CADM2: variants seen among roughly 807,000 people sequenced by gnomAD.
The protein encoded by CADM2 is immunoglobulin superfamily member 4D.
A neutral mutation model predicts 49.8 loss-of-function variants in CADM2; 12 were observed. That is an observed-to-expected ratio of 0.24 (90% CI 0.15 to 0.39). CADM2 has a LOEUF of 0.39. Among genes scored for constraint, CADM2 ranks in the 10% least tolerant of loss-of-function variants. The pLI, the probability that CADM2 is intolerant of heterozygous loss-of-function variation, is 1.00. For synonymous variants in CADM2, 214 were observed against 175.4 expected (o/e 1.22, Z -1.74); for missense variants, 378 against 492.3 (o/e 0.77, Z 2.20).
intron 1 of CADM2, among the ~76,000 whole-genome samples, chr3:85,135,130 A>G (rs1250146131): frequency 1.3e-5 from 2 of 152,060 alleles, no homozygotes; most frequent in Admixed American, 6.5e-5. Flanking sequence ...ATCAGAGATT[A>G]TAATATATTA....
At chr3:85,511,363 G>C (rs1443878385) in intron 1 of CADM2, among the ~76,000 whole-genome samples, 2 of 152,082 alleles carry the variant, frequency 1.3e-5, no homozygotes, top group Non-Finnish European at 2.9e-5. Flanking sequence ...TTTGCAAACA[G>C]TGTAATTCTT....
At chr3:85,339,015 A>C (rs1365640209) in intron 1 of CADM2, among the ~76,000 whole-genome samples, 1 of 151,504 alleles carries the variant, frequency 6.6e-6, no homozygotes, top group Admixed American at 6.6e-5. Context: ...AGATAATTTA[A>C]AATTATTTTG....
chr3:85,135,396 G>A (rs1021900684), intron 1 of CADM2, among the ~76,000 whole-genome samples: 2 of 151,780 alleles, frequency 1.3e-5, no homozygotes, highest in Admixed American at 1.3e-4. Flanking sequence ...GGGGTACTTC[G>A]GTTTGCTTTT....
chr3:85,447,649 A>C (rs1459149344), intron 1 of CADM2, among the ~76,000 whole-genome samples: 1 of 152,178 alleles, frequency 6.6e-6, no homozygotes, highest in Non-Finnish European at 1.5e-5. Flanking sequence ...ATGCTGACGA[A>C]ATTTTTATTA....
chr3:85,952,491 G>A (rs538583775), intron 7 of CADM2, among the ~76,000 whole-genome samples: 12 of 150,776 alleles, frequency 8.0e-5, no homozygotes, highest in Non-Finnish European at 1.6e-4. Flanking sequence ...GTATTTCTTG[G>A]TTTTCTTGTA....
intron 1 of CADM2, among the ~76,000 whole-genome samples, chr3:85,657,783 C>CACAGATATATATATAT (rs2065259463): frequency 1.0e-5 from 1 of 99,278 alleles, no homozygotes; most frequent in South Asian, 3.2e-4. Flanking sequence ...TATACATATA[C>CACAGATATATATATAT]ATGTTTTGAG....
At chr3:85,419,260 C>T (rs2036054404) in intron 1 of CADM2, among the ~76,000 whole-genome samples, 1 of 151,452 alleles carries the variant, frequency 6.6e-6, no homozygotes, top group Non-Finnish European at 1.5e-5. Flanking sequence ...TCAAGACCAT[C>T]CTGGCTAACA....
chr3:86,021,976 C>A (rs530452177), intron 8 of CADM2, among the ~76,000 whole-genome samples: 1 of 152,248 alleles, frequency 6.6e-6, no homozygotes, highest in Non-Finnish European at 1.5e-5. Context: ...TAGATTTTAG[C>A]TGCTTTTGCC....
intron 2 of CADM2, among the ~76,000 whole-genome samples, chr3:85,770,202 C>T (rs2070006123): frequency 6.6e-6 from 1 of 152,024 alleles, no homozygotes; most frequent in South Asian, 2.1e-4. Context: ...CATTTCTAGA[C>T]CAAAACCCCA....
At position 85,935,811 on chromosome 3, in the gene CADM2, G is replaced by C. The variant is rs1163922209; in HGVS notation, c.745G>C (p.Glu249Gln). Residue 249 changes from glutamate (E) to glutamine (Q), a missense_variant, in exon 7 of 10, where the codon GAA becomes CAA. By Grantham distance (29) the Glu-to-Gln change is conservative. Transcript: ENST00000383699. Reference sequence around the variant, plus strand: ...TATACCATCGACTCCTTTTCCACAAGAAGGACAGCCTTTAATTTTGACTTG... The same window carrying C: ...TATACCATCGACTCCTTTTCCACAACAAGGACAGCCTTTAATTTTGACTTG... Reference protein sequence around the residue: ...KIIPSTPFPQEGQPLILTCES... With the variant: ...KIIPSTPFPQQGQPLILTCES... 1 of 1,606,906 alleles carries C rather than the reference G, an allele frequency of 6.2e-7. No individual in the cohort carries two copies. The highest frequency in any genetic ancestry group is 8.5e-7 in the Non-Finnish European group (1 of 1,174,954).
rs543676825 is a variant in CADM2, at chr3:85,638,764, TA to T, written c.62-87757del. Among the ~76,000 whole-genome samples the T allele has an allele frequency of 2.0e-5, 3 of 152,258 alleles. No individual in the cohort carries two copies. The East Asian group carries it at 5.8e-4, about 29-fold the overall frequency. On this transcript the variant is annotated intron_variant, in intron 1 of 9. Coordinates refer to ENST00000383699, the MANE Select transcript of CADM2 (RefSeq NM_001167675.2). The stretch of plus-strand genomic sequence containing the variant: ...TTCTTTATCTCTAAAGGTTACTATT[TA>T]TTTTTTTCTTTCTTTCTTTCATCAC...
intron 6 of CADM2, among the ~76,000 whole-genome samples, chr3:85,914,572 A>T (rs571581837): frequency 4.3e-4 from 66 of 152,206 alleles, no homozygotes; most frequent in Non-Finnish European, 6.8e-4. Context: ...ATAATTGACT[A>T]CTTAGTTAAC....
At chr3:85,714,237 G>C (rs1559608956) in intron 1 of CADM2, among the ~76,000 whole-genome samples, 2 of 152,066 alleles carry the variant, frequency 1.3e-5, no homozygotes, top group Non-Finnish European at 2.9e-5. Context: ...TTACTATCTA[G>C]TAATAAAGAG....
At chr3:85,567,917 T>C (rs2062316578) in intron 1 of CADM2, among the ~76,000 whole-genome samples, 2 of 152,152 alleles carry the variant, frequency 1.3e-5, no homozygotes, top group South Asian at 4.1e-4. Flanking sequence ...GGAAGTCTAA[T>C]GTGGAAGGGC....
intron 1 of CADM2, among the ~76,000 whole-genome samples, chr3:85,423,520 G>A (rs1287316643): frequency 3.3e-5 from 5 of 152,068 alleles, no homozygotes; most frequent in East Asian, 3.9e-4. Flanking sequence ...ATTGGCCTAC[G>A]AATAATAATC....
intron 1 of CADM2, among the ~76,000 whole-genome samples, chr3:85,069,158 T>C (rs545697028): frequency 6.6e-6 from 1 of 152,216 alleles, no homozygotes; most frequent in Non-Finnish European, 1.5e-5. Context: ...ACTAGGATGT[T>C]TCCCATGGGG....
At chr3:85,797,624 G>T (rs1028897778) in intron 2 of CADM2, among the ~76,000 whole-genome samples, 2 of 152,158 alleles carry the variant, frequency 1.3e-5, no homozygotes, top group Non-Finnish European at 2.9e-5. Context: ...ATTCCATGGT[G>T]TATATGTGCC....
rs1439571908 is a variant in CADM2, at chr3:85,359,655, TATATATATA to T, written c.62-366866_62-366858del. Among the ~76,000 whole-genome samples, 93 of 18,230 alleles carry T rather than the reference TATATATATA, an allele frequency of 5.1e-3. 7 individuals are homozygous for T. Among genetic ancestry groups the T allele is most frequent in the African/African-American group, 7.3e-3 (68 of 9,374 alleles). The allele number at this position is 18,230 out of a possible 152,430, so 12.0% of individuals were successfully genotyped here. ...ATGTCAGCATATATATATATATATA[TATATATATA>T]TATTTTTTTTTTTGGTGGAGGGGAG... On this transcript the variant is annotated intron_variant, in intron 1 of 9. Coordinates refer to ENST00000383699, the MANE Select transcript of CADM2 (RefSeq NM_001167675.2).
intron 8 of CADM2, among the ~76,000 whole-genome samples, chr3:86,058,656 T>G (rs1738270448): frequency 6.6e-6 from 1 of 152,070 alleles, no homozygotes; most frequent in African/African-American, 2.4e-5. Context: ...AATTGAATAA[T>G]AATCACTTTC....
Sources: gnomAD v4.1 joint callset for allele counts (sites outside exome capture counted in the v4.1 genomes callset) on GRCh38, gnomAD v4.1.1 for gene constraint, MANE v1.5 for transcripts, NCBI Gene and HGNC (gene_info 2026-07-23, HGNC 2026-07-21) for gene names.